Variants in ANO4 observed in about 807,000 individuals in gnomAD.
The protein encoded by ANO4 is anoctamin 4, also known as anoctamin-4.
A neutral mutation model predicts 141.9 loss-of-function variants in ANO4; 69 were observed. The observed-to-expected ratio is 0.49, with a 90% CI of 0.40 to 0.59. ANO4 has a LOEUF of 0.59. Ranked by LOEUF, ANO4 falls within the 20% of genes least tolerant of loss-of-function variation. The pLI is 0.00. For missense variants in ANO4, 894 were observed against 1,162.2 expected (o/e 0.77, Z 3.36); for synonymous variants, 350 against 394.3 (o/e 0.89, Z 1.33).
intron 26 of ANO4, among the ~76,000 whole-genome samples, chr12:101,120,993 C>T (rs186757591): frequency 4.6e-4 from 70 of 152,250 alleles, no homozygotes; most frequent in African/African-American, 1.6e-3. Context: ...ATGATTCTGA[C>T]TATAGGCATT....
At chr12:100,846,158 T>C (rs2037546811) in intron 1 of ANO4, among the ~76,000 whole-genome samples, 4 of 152,226 alleles carry the variant, frequency 2.6e-5, no homozygotes, top group Admixed American at 2.6e-4. Context: ...AGAAATCCCT[T>C]GATCAGTGTT....
At chr12:100,862,001 A>G (rs1037285224) in intron 1 of ANO4, among the ~76,000 whole-genome samples, 2 of 152,182 alleles carry the variant, frequency 1.3e-5, no homozygotes, top group Non-Finnish European at 2.9e-5. Context: ...GCTGTCATCC[A>G]TGATAACAAT....
intron 3 of ANO4, among the ~76,000 whole-genome samples, chr12:100,746,823 C>A (rs965939280): frequency 6.6e-6 from 1 of 152,176 alleles, no homozygotes; most frequent in African/African-American, 2.4e-5. Context: ...CCAGGGCTCT[C>A]GTTTCTCTCC....
At chr12:100,956,281 G>A (rs2043171876) in intron 5 of ANO4, among the ~76,000 whole-genome samples, 1 of 152,172 alleles carries the variant, frequency 6.6e-6, no homozygotes, top group Non-Finnish European at 1.5e-5. Context: ...GATCATGATG[G>A]TCTTCGAAGA....
chr12:101,007,576 C>T, intron 8 of ANO4, among the ~76,000 whole-genome samples: 1 of 152,078 alleles, frequency 6.6e-6, no homozygotes, highest in East Asian at 1.9e-4. Context: ...TTGGCAGAAC[C>T]AAGATTCTAA....
At chr12:100,915,559 CA>C (rs1851771846) in intron 2 of ANO4, among the ~76,000 whole-genome samples, 1 of 152,048 alleles carries the variant, frequency 6.6e-6, no homozygotes, top group South Asian at 2.1e-4. Flanking sequence ...ATTTTGGTTT[CA>C]ATATGAAGTA....
At chr12:100,973,971 T>A (rs77872427) in intron 6 of ANO4, among the ~76,000 whole-genome samples, 4,377 of 152,296 alleles carry the variant, frequency 0.029, 209 homozygotes, top group African/African-American at 0.1. Context: ...TATATAAACT[T>A]ACCATTTACA....
At chr12:100,836,609 A>G (rs76974177) in intron 1 of ANO4, among the ~76,000 whole-genome samples, 1 of 151,338 alleles carries the variant, frequency 6.6e-6, no homozygotes, top group Admixed American at 6.6e-5. Context: ...GCTGTGATAT[A>G]GAATATCTGG....
At chr12:100,942,571 C>A (rs1170531168) in intron 5 of ANO4, 36 bp downstream of exon 5, 2 of 1,580,736 alleles carry the variant, frequency 1.3e-6, no homozygotes, top group Admixed American at 3.6e-5. Context: ...AAAATATATA[C>A]ATATCTATTC....
intron 8 of ANO4, among the ~76,000 whole-genome samples, chr12:100,988,771 T>C (rs941234427): frequency 6.7e-6 from 1 of 148,696 alleles, no homozygotes; most frequent in African/African-American, 2.5e-5. Context: ...CTCAGGAGGC[T>C]GAGGCAGGAG....
At chr12:100,869,365 G>C (rs1277826778) in intron 1 of ANO4, among the ~76,000 whole-genome samples, 1 of 152,198 alleles carries the variant, frequency 6.6e-6, no homozygotes, top group African/African-American at 2.4e-5. Flanking sequence ...GGCAGTGAGA[G>C]GTGATAGGAA....
At chr12:100,806,576 G>A (rs1338670591) in intron 1 of ANO4, among the ~76,000 whole-genome samples, 1 of 93,110 alleles carries the variant, frequency 1.1e-5, no homozygotes, top group Non-Finnish European at 2.0e-5. Context: ...ACAGAGTCTC[G>A]CTCTGTCACC....
chr12:100,747,118 T>C (rs778132156), intron 3 of ANO4, among the ~76,000 whole-genome samples: 2 of 152,150 alleles, frequency 1.3e-5, no homozygotes, highest in Admixed American at 6.5e-5. Context: ...GCCAAATATA[T>C]GTTTGCAGGC....
At chr12:100,918,501 C>T (rs750847699) in intron 2 of ANO4, among the ~76,000 whole-genome samples, 79 of 152,256 alleles carry the variant, frequency 5.2e-4, no homozygotes, top group Non-Finnish European at 9.9e-4. Flanking sequence ...CAGTCATGCA[C>T]CGCATGATGA....
chr12:100,975,684 G>A (rs971028583), intron 7 of ANO4, among the ~76,000 whole-genome samples: 8 of 151,598 alleles, frequency 5.3e-5, no homozygotes, highest in East Asian at 1.9e-4. Flanking sequence ...CAGGCGATCC[G>A]CCCACCTCGG....
At chr12:101,004,149 TG>T (rs10719550) in intron 8 of ANO4, among the ~76,000 whole-genome samples, 120,319 of 151,422 alleles carry the variant, frequency 0.79, 48,346 homozygotes, top group African/African-American at 0.92. Context: ...AAGGATACTG[TG>T]GGGGAAGTGA....
intron 22 of ANO4, among the ~76,000 whole-genome samples, chr12:101,101,128 A>C (rs2050169435): frequency 1.3e-5 from 2 of 152,212 alleles, no homozygotes; most frequent in Admixed American, 6.5e-5. Context: ...GTTGCTACCC[A>C]GTGAGCTAGA....
chr12:100,778,626 G>A (rs899869011), intron 3 of ANO4, among the ~76,000 whole-genome samples: 2 of 152,004 alleles, frequency 1.3e-5, no homozygotes, highest in African/African-American at 4.8e-5. Flanking sequence ...TGGGTTCCTG[G>A]GATCTCCACC....
At chr12:101,032,476 TTAAAC>T (rs2047013300) in intron 9 of ANO4, among the ~76,000 whole-genome samples, 1 of 152,032 alleles carries the variant, frequency 6.6e-6, no homozygotes, top group East Asian at 1.9e-4. Context: ...TGGGATCTAA[TTAAAC>T]TAAAGAGCTT....
Sources: allele counts gnomAD v4.1 joint callset (sites outside exome capture counted in the v4.1 genomes callset), GRCh38; gene constraint gnomAD v4.1.1; transcripts MANE v1.5; gene names NCBI Gene and HGNC (gene_info 2026-07-23, HGNC 2026-07-21).